Variants in ANKRD28 observed in about 807,000 individuals in gnomAD.
The protein encoded by ANKRD28 is ankyrin repeat domain 28, also known as serine/threonine-protein phosphatase 6 regulatory ankyrin repeat subunit A.
In ANKRD28, 44 loss-of-function variants were observed where a neutral mutation model predicts 126.5. The ratio of observed to expected loss-of-function variants is 0.35; its 90% CI spans 0.27 to 0.45. The LOEUF is 0.45. Ranked by LOEUF, ANKRD28 falls within the 20% of genes least tolerant of loss-of-function variation. ANKRD28 has a pLI of 1.00. For synonymous variants in ANKRD28, 442 were observed against 468.5 expected (o/e 0.94, Z 0.73); for missense variants, 1,110 against 1,316.6 (o/e 0.84, Z 2.43).
In ANKRD28 at chr3:15,838,553, C is replaced by G. The variant is rs13080145; in HGVS notation, c.27+20824G>C. Among the ~76,000 whole-genome samples the G allele has an allele frequency of 0.49, 74,660 of 151,892 alleles. 20,301 individuals are homozygous for G. The highest frequency in any genetic ancestry group is 0.6 in the Non-Finnish European group (40,528 of 67,926). ...CAGGAGTTTGAGACCAGCCTCCAGC[C>G]TGGCCAACATGGTGAAACCCCATTT... On this transcript the variant is annotated intron_variant, in intron 1 of 27. Transcript: ENST00000399451. The surrounding 1 kb of genome is among the most constrained non-coding windows in gnomAD (Gnocchi z 4.0).
chr3:15,717,062 T>C (rs928107251), intron 8 of ANKRD28, among the ~76,000 whole-genome samples: 1 of 152,240 alleles, frequency 6.6e-6, no homozygotes, highest in Non-Finnish European at 1.5e-5. Context: ...TCTTGTTTTA[T>C]AGATGAGGAA....
At chr3:15,827,797 A>C (rs1420054401) in intron 1 of ANKRD28, among the ~76,000 whole-genome samples, 1 of 152,220 alleles carries the variant, frequency 6.6e-6, no homozygotes, top group Non-Finnish European at 1.5e-5. Flanking sequence ...CAGAGTGAAA[A>C]GGCAATGCAG....
chr3:15,740,293 G>A (rs1462373403), intron 4 of ANKRD28, among the ~76,000 whole-genome samples: 1 of 152,156 alleles, frequency 6.6e-6, no homozygotes, highest in Non-Finnish European at 1.5e-5. Flanking sequence ...TCTTGACTGG[G>A]ATAAAGGTTA....
chr3:15,732,204 T>C (rs868037991), intron 6 of ANKRD28: 2 of 152,080 alleles, frequency 1.3e-5, no homozygotes, highest in Admixed American at 6.6e-5. Context: ...TTTGCCCCAA[T>C]GGAGGTCAAA....
intron 1 of ANKRD28, among the ~76,000 whole-genome samples, chr3:15,834,080 TA>T (rs945545545): frequency 1.3e-5 from 2 of 152,188 alleles, no homozygotes; most frequent in African/African-American, 4.8e-5. Flanking sequence ...AAAGCTTTTT[TA>T]AAATTGTCTC....
At chr3:15,758,458 C>G (rs1206678614) in intron 3 of ANKRD28, among the ~76,000 whole-genome samples, 3 of 152,144 alleles carry the variant, frequency 2.0e-5, no homozygotes, top group Non-Finnish European at 4.4e-5. Context: ...CAACCCCTGG[C>G]AACTCAGAAT....
At chr3:15,713,448 G>A (rs761040897) in intron 10 of ANKRD28, 79 bp downstream of exon 10, 12 of 1,068,466 alleles carry the variant, frequency 1.1e-5, no homozygotes, top group South Asian at 5.9e-5. Flanking sequence ...ACATTTCCAC[G>A]TGAAATGTCT....
intron 17 of ANKRD28, among the ~76,000 whole-genome samples, chr3:15,690,595 T>C (rs1254277100): frequency 6.6e-6 from 1 of 152,152 alleles, no homozygotes; most frequent in Non-Finnish European, 1.5e-5. Flanking sequence ...GACAGGGTCT[T>C]GCTCTGTTGC....
intron 27 of ANKRD28, among the ~76,000 whole-genome samples, chr3:15,671,363 A>G (rs2066328060): frequency 6.6e-6 from 1 of 152,292 alleles, no homozygotes; most frequent in East Asian, 1.9e-4. Context: ...GCCAAGCTTC[A>G]ATTATACCAT....
intron 15 of ANKRD28, 123 bp downstream of exon 15, chr3:15,696,011 T>C (rs2069496789): frequency 1.4e-6 from 1 of 700,574 alleles, no homozygotes. Context: ...AAGAGGTATA[T>C]AAATTCTGAA....
chr3:15,780,483 G>A (rs559532737), intron 2 of ANKRD28, among the ~76,000 whole-genome samples: 2 of 152,202 alleles, frequency 1.3e-5, no homozygotes, highest in African/African-American at 4.8e-5. Flanking sequence ...TTGTTAAAAT[G>A]TCCATATTAT....
At chr3:15,857,770 T>C (rs2061806006) in intron 1 of ANKRD28, among the ~76,000 whole-genome samples, 1 of 152,130 alleles carries the variant, frequency 6.6e-6, no homozygotes, top group Admixed American at 6.5e-5. Flanking sequence ...CAAATATGAG[T>C]CTCTCCTAAA....
rs1031668817 is a variant in ANKRD28 at position 15,778,087 on chromosome 3, C to T, written c.202-11775G>A. ...AGTATCTTTTTTCTGGAGCTCCTTT[C>T]GTGGTCTCCCAGCTGGTATTACATC... On this transcript the variant is annotated intron_variant, in intron 2 of 27. Transcript: ENST00000683139. 5.3e-5 allele frequency among the ~76,000 whole-genome samples: 8 copies of T among 152,072 alleles called. No individual in the cohort carries two copies. The East Asian group carries it at 1.5e-3, about 29-fold the overall frequency.
At chr3:15,723,647 T>C (rs989535499) in intron 7 of ANKRD28, among the ~76,000 whole-genome samples, 1 of 152,074 alleles carries the variant, frequency 6.6e-6, no homozygotes, top group African/African-American at 2.4e-5. Context: ...AAAATTAGCC[T>C]GTAGTTCTAG....
Position 15,678,297 on chromosome 3 carries a change from G to C in ANKRD28, c.2619C>G (p.Leu873=), listed in dbSNP as rs777925632. The C allele has an allele frequency of 6.2e-7, 1 of 1,613,020 alleles. No homozygotes were observed. The highest frequency in any genetic ancestry group is 1.1e-5 in the South Asian group (1 of 91,036). Residue 873 remains leucine (L), a synonymous_variant, in exon 24 of 28, where the codon CTC becomes CTG. Transcript: ENST00000683139. ...TDHVECLQLL[L]SHNAQVNSVD... is the part of the protein sequence containing the mutation. ...CAGAATTGACTTGAGCATTATGGCT[G>C]AGCAGCAGCTGTAAACACTCTACAT...
In ANKRD28 at chr3:15,815,034, G is replaced by A. The variant is rs906353193; in HGVS notation, c.28-19728C>T. On this transcript the variant is annotated intron_variant, in intron 1 of 27. Transcript: ENST00000399451. The surrounding 1 kb of genome is among the most constrained non-coding windows in gnomAD (Gnocchi z 4.1). Reference sequence around the variant, plus strand: ...ATATGACATTCCATTCAAAAATACTGTATTTAATTTCCTAAGAGTAAATAT... The same window carrying A: ...ATATGACATTCCATTCAAAAATACTATATTTAATTTCCTAAGAGTAAATAT... 6.6e-6 allele frequency among the ~76,000 whole-genome samples: 1 copy of A among 151,174 alleles called. No homozygotes were observed. Among genetic ancestry groups the A allele is most frequent in the Non-Finnish European group, 1.5e-5 (1 of 67,804 alleles).
intron 2 of ANKRD28, among the ~76,000 whole-genome samples, chr3:15,781,100 A>G (rs2059518616): frequency 6.6e-6 from 1 of 152,106 alleles, no homozygotes. Context: ...GCACAGAAAA[A>G]AAAAAAATCA....
At chr3:15,781,369 T>C (rs1191608152) in intron 2 of ANKRD28, 2 of 151,860 alleles carry the variant, frequency 1.3e-5, no homozygotes, top group African/African-American at 4.8e-5. Flanking sequence ...TCTGCCCTCA[T>C]TGTGGGCAGG....
rs57072807 is a variant in ANKRD28, at chr3:15,767,700, TAAAAAAAAAAAAAAAAAAAAAAAAAA to T, written c.202-1414_202-1389del. 7.5e-4 allele frequency among the ~76,000 whole-genome samples: 48 copies of T among 64,362 alleles called. 2 individuals are homozygous for T. The highest frequency in any genetic ancestry group is 1.1e-3 in the South Asian group (3 of 2,616). The allele number at this position is 64,362 out of a possible 152,430, so 42.2% of individuals were successfully genotyped here. Reference sequence around the variant, plus strand: ...TAACACAATGAAACCTAGTCTCTACTAAAAAAAAAAAAAAAAAAAAAAAAAAAAAAAAAAAAAAAAAGCCGCACGTG... The same window carrying T: ...TAACACAATGAAACCTAGTCTCTACTAAAAAAAAAAAAAAAGCCGCACGTG... On this transcript the variant is annotated intron_variant, in intron 2 of 27. Transcript: ENST00000683139.
Sources: allele counts gnomAD v4.1 joint callset (sites outside exome capture counted in the v4.1 genomes callset), GRCh38; gene constraint gnomAD v4.1.1; non-coding constraint Gnocchi (gnomAD v3.1); transcripts MANE v1.5; gene names NCBI Gene and HGNC (gene_info 2026-07-23, HGNC 2026-07-21).